Variants in NKAIN2 observed in about 807,000 individuals in gnomAD.
NKAIN2 encodes sodium/potassium-transporting ATPase subunit beta-1-interacting protein 2.
A neutral mutation model predicts 32.6 loss-of-function variants in NKAIN2; 14 were observed. That is an observed-to-expected ratio of 0.43 (90% CI 0.28 to 0.67). The LOEUF is 0.67. Among genes scored for constraint, NKAIN2 ranks in the 30% least tolerant of loss-of-function variants. The probability of loss-of-function intolerance (pLI) is 0.17; values close to 1 mark genes in which losing one functional copy is unlikely to be tolerated. For synonymous variants in NKAIN2, 80 were observed against 87.2 expected (o/e 0.92, Z 0.46); for missense variants, 198 against 258.3 (o/e 0.77, Z 1.60).
intron 5 of NKAIN2, among the ~76,000 whole-genome samples, chr6:124,810,806 A>G (rs752494595): frequency 6.6e-6 from 1 of 151,806 alleles, no homozygotes; most frequent in East Asian, 1.9e-4. Context: ...ATTTCATTCC[A>G]TGTATGCTTC....
At chr6:123,953,760 T>C (rs1437994166) in intron 1 of NKAIN2, among the ~76,000 whole-genome samples, 1 of 152,136 alleles carries the variant, frequency 6.6e-6, no homozygotes, top group Non-Finnish European at 1.5e-5. Flanking sequence ...TTGCAGGCAC[T>C]GGTTATGGTA....
intron 1 of NKAIN2, among the ~76,000 whole-genome samples, chr6:124,123,962 G>C (rs1786021687): frequency 6.6e-6 from 1 of 151,960 alleles, no homozygotes; most frequent in Admixed American, 6.6e-5. Flanking sequence ...GCAGGATACT[G>C]ATTCATCAAT....
intron 1 of NKAIN2, among the ~76,000 whole-genome samples, chr6:123,926,296 A>G (rs1451713667): frequency 1.3e-5 from 2 of 152,164 alleles, no homozygotes; most frequent in Non-Finnish European, 2.9e-5. Context: ...GTCTTTGTGG[A>G]TATCAGGAAA....
At chr6:124,028,875 GTATATATATGTGTATATATATA>G (rs1781262392) in intron 1 of NKAIN2, among the ~76,000 whole-genome samples, 1 of 37,182 alleles carries the variant, frequency 2.7e-5, no homozygotes. Context: ...ACACATATAT[GTATATATATGTGTATATATATA>G]TATATACACA....
intron 1 of NKAIN2, among the ~76,000 whole-genome samples, chr6:123,904,056 C>T (rs935816072): frequency 7.9e-5 from 12 of 151,838 alleles, no homozygotes; most frequent in Admixed American, 2.6e-4. Flanking sequence ...GAAGAAACCC[C>T]GTCTCTACTA....
At chr6:124,062,678 G>A (rs1319568502) in intron 1 of NKAIN2, among the ~76,000 whole-genome samples, 1 of 152,126 alleles carries the variant, frequency 6.6e-6, no homozygotes, top group Non-Finnish European at 1.5e-5. Context: ...GCCTCTCAAA[G>A]TGTTGGGATA....
intron 1 of NKAIN2, among the ~76,000 whole-genome samples, chr6:124,277,338 A>G (rs1287166208): frequency 6.6e-6 from 1 of 152,084 alleles, no homozygotes; most frequent in African/African-American, 2.4e-5. Flanking sequence ...GTACCTACAG[A>G]TGAAATAAGA....
chr6:124,049,918 G>A (rs1485847465), intron 1 of NKAIN2, among the ~76,000 whole-genome samples: 1 of 151,920 alleles, frequency 6.6e-6, no homozygotes, highest in East Asian at 1.9e-4. Flanking sequence ...GTCAGAAAGT[G>A]TTTCCTTTAA....
At chr6:124,246,136 A>G (rs1793382840) in intron 1 of NKAIN2, among the ~76,000 whole-genome samples, 1 of 151,940 alleles carries the variant, frequency 6.6e-6, no homozygotes, top group African/African-American at 2.4e-5. Flanking sequence ...AGTTTCTGTT[A>G]TTATTGCAGC....
Position 124,665,478 on chromosome 6 carries a change from G to A in NKAIN2, c.474+7092G>A, listed in dbSNP as rs186980827. Among the ~76,000 whole-genome samples, 280 of 152,212 alleles carry A rather than the reference G, an allele frequency of 1.8e-3. 1 individual carries two copies. Among genetic ancestry groups the A allele is most frequent in the East Asian group, 6.2e-3 (32 of 5,180 alleles). On this transcript the variant is annotated intron_variant, in intron 4 of 6. Transcript: ENST00000368417. ...TCTTTCCAAATATATGGGAGCAGAA[G>A]GGGGCAGTACTCTAAGTCAGTAGTT...
intron 3 of NKAIN2, among the ~76,000 whole-genome samples, chr6:124,490,137 T>G (rs7756982): frequency 0.26 from 39,925 of 151,630 alleles, 6,446 homozygotes; most frequent in Non-Finnish European, 0.36. Context: ...TTGACCTTAT[T>G]CAGTAGAACT....
chr6:124,783,185 T>C (rs1448301780), intron 4 of NKAIN2, among the ~76,000 whole-genome samples: 2 of 152,136 alleles, frequency 1.3e-5, no homozygotes, highest in African/African-American at 2.4e-5. Flanking sequence ...CCTGCCTGAG[T>C]ATCTTCTGCT....
chr6:124,726,131 A>T (rs1776289583), intron 4 of NKAIN2, among the ~76,000 whole-genome samples: 1 of 151,898 alleles, frequency 6.6e-6, no homozygotes, highest in Non-Finnish European at 1.5e-5. Flanking sequence ...AGCCTGGGGG[A>T]GGGGCGCCCA....
chr6:124,780,204 T>A (rs541573775), intron 4 of NKAIN2, among the ~76,000 whole-genome samples: 1 of 152,254 alleles, frequency 6.6e-6, no homozygotes, highest in South Asian at 2.1e-4. Context: ...GTGGTGAGGA[T>A]GAAAGGCCAA....
chr6:124,675,206 A>G (rs867110408), intron 4 of NKAIN2, among the ~76,000 whole-genome samples: 5 of 152,012 alleles, frequency 3.3e-5, no homozygotes, highest in Admixed American at 6.6e-5. Context: ...CATCCCAGGG[A>G]TAAATTCTAC....
At chr6:123,891,023 G>T (rs1343120263) in intron 1 of NKAIN2, among the ~76,000 whole-genome samples, 2 of 152,054 alleles carry the variant, frequency 1.3e-5, no homozygotes, top group Non-Finnish European at 2.9e-5. Context: ...AAAAAGGAAT[G>T]AAATTTTCTT....
chr6:124,197,320 C>A (rs1169162540), intron 1 of NKAIN2, among the ~76,000 whole-genome samples: 2 of 151,706 alleles, frequency 1.3e-5, no homozygotes, highest in Non-Finnish European at 2.9e-5. Flanking sequence ...TGTTTTCCTC[C>A]CACTTTCCAC....
intron 1 of NKAIN2, among the ~76,000 whole-genome samples, chr6:124,223,029 T>A (rs1226430553): frequency 6.6e-6 from 1 of 151,800 alleles, no homozygotes; most frequent in Non-Finnish European, 1.5e-5. Flanking sequence ...CTGGCCAACA[T>A]GGTGAAACCC....
intron 3 of NKAIN2, among the ~76,000 whole-genome samples, chr6:124,407,517 A>G (rs1266124563): frequency 6.6e-6 from 1 of 152,120 alleles, no homozygotes; most frequent in Admixed American, 6.5e-5. Context: ...CCTGCAAAGG[A>G]CATGAACTCA....
Sources: allele counts gnomAD v4.1 joint callset (sites outside exome capture counted in the v4.1 genomes callset), GRCh38; gene constraint gnomAD v4.1.1; transcripts MANE v1.5; gene names NCBI Gene and HGNC (gene_info 2026-07-23, HGNC 2026-07-21).